UGT2B7: variants seen among roughly 807,000 people sequenced by gnomAD.
UGT2B7 encodes the protein UDP glucuronosyltransferase family 2 member B7.
UGT2B7 carries 51 observed loss-of-function variants against 51.9 expected under a neutral mutation model. The ratio of observed to expected loss-of-function variants is 0.98; its 90% CI spans 0.78 to 1.24. UGT2B7 has a LOEUF of 1.24. Ranked by LOEUF, UGT2B7 falls within the 50% of genes most tolerant of loss-of-function variation. The pLI, the probability that UGT2B7 is intolerant of heterozygous loss-of-function variation, is 0.00. For missense variants in UGT2B7, 727 were observed against 628.4 expected, an observed-to-expected ratio of 1.16 and a Z score of -1.68; for synonymous variants, 225 against 211.6, an observed-to-expected ratio of 1.06 and a Z score of -0.55.
rs1560499783 is a variant in UGT2B7 at position 69,064,104 on chromosome 4, A to AAGAGAG, written c.-159+12505_-159+12506insGAGAGA. On this transcript the variant is annotated intron_variant, in intron 1 of 5. Coordinates refer to the UGT2B7 transcript ENST00000502942. ...AGAAAGAAAGAAAGAAAGAGAAAGA[A>AAGAGAG]AGAAAGAAAAAGAAAGAAAGAAAGA... 8.8e-4 allele frequency among the ~76,000 whole-genome samples: 97 copies of AAGAGAG among 110,618 alleles called. 3 individuals carry two copies. Among genetic ancestry groups the AAGAGAG allele is most frequent in the Admixed American group, 1.4e-3 (16 of 11,278 alleles). The allele number at this position is 110,618 out of a possible 152,430, so 72.6% of individuals were successfully genotyped here.
chr4:69,059,848 C>T (rs1718303983), intron 1 of UGT2B7, among the ~76,000 whole-genome samples: 1 of 152,208 alleles, frequency 6.6e-6, no homozygotes, highest in African/African-American at 2.4e-5. Context: ...ACCATCCACC[C>T]AGTGGTGCCA....
intron 3 of UGT2B7, among the ~76,000 whole-genome samples, chr4:69,106,875 T>C (rs1577926753): frequency 6.6e-6 from 1 of 151,756 alleles, no homozygotes; most frequent in East Asian, 1.9e-4. Flanking sequence ...TTTTTTCATA[T>C]GATGGTTGGC....
rs147538491 is a variant in UGT2B7, at chr4:69,096,690, C to A, written c.170C>A (p.Ala57Glu). Residue 57 changes from alanine (A) to glutamate (E), a missense_variant, in exon 1 of 6, where the codon GCA becomes GAA. By Grantham distance (107) the Ala-to-Glu change is moderately radical (BLOSUM62 -1). Transcript: ENST00000305231. ...AGAGGTCATGAGGTGACTGTACTGG[C>A]ATCTTCAGCTTCCATTCTTTTTGAT... ...IQRGHEVTVL[A>E]SSASILFDPN... 1.2e-6 allele frequency: 2 copies of A among 1,614,022 alleles called. No homozygotes were observed. Among genetic ancestry groups the A allele is most frequent in the East Asian group, 4.5e-5 (2 of 44,862 alleles).
chr4:69,083,495 A>G (rs1299208472), intron 1 of UGT2B7, among the ~76,000 whole-genome samples: 2 of 152,022 alleles, frequency 1.3e-5, no homozygotes, highest in Admixed American at 6.6e-5. Context: ...CTTGATTCCA[A>G]TCCTCATGGA....
At chr4:69,053,371 A>G (rs1481867738) in intron 1 of UGT2B7, among the ~76,000 whole-genome samples, 1 of 152,244 alleles carries the variant, frequency 6.6e-6, no homozygotes, top group African/African-American at 2.4e-5. Flanking sequence ...ACTTAAAAAA[A>G]ACTTTGGCAA....
At chr4:69,064,036 G>GACAA (rs1374188504) in intron 1 of UGT2B7, among the ~76,000 whole-genome samples, 2 of 79,728 alleles carry the variant, frequency 2.5e-5, no homozygotes, top group Admixed American at 2.5e-4. Flanking sequence ...AAGAAAGAAA[G>GACAA]AAAGAAAGAA....
chr4:69,097,152 TA>T lies in UGT2B7; in HGVS notation c.638del (p.Asn213IlefsTer2), dbSNP rs1369776133. ...GATCAAATGACTTTCATGGAGAGGG[TA>T]AAAAATATGATCTATGTGCTTTACT... is the stretch of plus-strand genomic sequence containing the variant. ...LTDQMTFMER[V>X]KNMIYVLYFD... On this transcript the variant is annotated frameshift_variant, in exon 1 of 6. Coordinates refer to ENST00000305231, the MANE Select transcript of UGT2B7 (RefSeq NM_001074.4). LOFTEE classifies it high-confidence loss of function. 6.2e-7 allele frequency: 1 copy of T among 1,613,242 alleles called. No individual in the cohort carries two copies. The highest frequency in any genetic ancestry group is 1.3e-5 in the African/African-American group (1 of 74,866).
At chr4:69,066,119 T>G (rs1159004566) in intron 1 of UGT2B7, among the ~76,000 whole-genome samples, 2 of 152,216 alleles carry the variant, frequency 1.3e-5, no homozygotes, top group African/African-American at 2.4e-5. Flanking sequence ...TTTTTAGAAT[T>G]CTAACAGATA....
At chr4:69,069,022 A>T (rs1047267243) in intron 1 of UGT2B7, among the ~76,000 whole-genome samples, 2 of 151,848 alleles carry the variant, frequency 1.3e-5, no homozygotes, top group African/African-American at 4.8e-5. Context: ...TCATTACATT[A>T]CTACTCACAA....
intron 5 of UGT2B7, among the ~76,000 whole-genome samples, chr4:69,108,659 A>T (rs1299222976): frequency 6.6e-6 from 1 of 152,076 alleles, no homozygotes; most frequent in Non-Finnish European, 1.5e-5. Context: ...AAATATTTTA[A>T]TTAGATATCT....
At chr4:69,083,139 TA>T (rs2109874855) in intron 1 of UGT2B7, among the ~76,000 whole-genome samples, 1 of 152,172 alleles carries the variant, frequency 6.6e-6, no homozygotes, top group African/African-American at 2.4e-5. Flanking sequence ...CCTCAGAAAA[TA>T]AAATTTATTT....
intron 1 of UGT2B7, among the ~76,000 whole-genome samples, chr4:69,064,674 T>C (rs1218919849): frequency 6.6e-6 from 1 of 152,186 alleles, no homozygotes; most frequent in African/African-American, 2.4e-5. Context: ...TGTATGAAAG[T>C]CAAGTGCTGT....
chr4:69,087,046 C>T (rs944638726), intron 1 of UGT2B7, among the ~76,000 whole-genome samples: 7 of 151,338 alleles, frequency 4.6e-5, no homozygotes, highest in South Asian at 2.1e-4. Flanking sequence ...CTTTCTCTCT[C>T]GCTCTGTCTC....
chr4:69,071,694 TAA>T (rs1718605126), intron 1 of UGT2B7, among the ~76,000 whole-genome samples: 1 of 152,086 alleles, frequency 6.6e-6, no homozygotes, highest in Admixed American at 6.6e-5. Flanking sequence ...TGAATTATTA[TAA>T]TGTCTAGAAA....
chr4:69,110,886 G>T (rs914192611), intron 5 of UGT2B7, among the ~76,000 whole-genome samples: 3 of 152,040 alleles, frequency 2.0e-5, no homozygotes, highest in Non-Finnish European at 2.9e-5. Context: ...TTTATCTTTT[G>T]TATTTAATAT....
At chr4:69,061,274 C>G (rs1048140209) in intron 1 of UGT2B7, among the ~76,000 whole-genome samples, 1 of 152,170 alleles carries the variant, frequency 6.6e-6, no homozygotes, top group Non-Finnish European at 1.5e-5. Flanking sequence ...CTCTTAACTC[C>G]TGGAGGTAAA....
intron 1 of UGT2B7, among the ~76,000 whole-genome samples, chr4:69,064,221 G>C (rs956478045): frequency 6.6e-6 from 1 of 152,290 alleles, no homozygotes; most frequent in African/African-American, 2.4e-5. Flanking sequence ...CCCAGACCCA[G>C]GGAAAGTCCT....
chr4:69,112,925 T>C lies in UGT2B7; in HGVS notation c.*189T>C. ...CAGAGATTTACCACCCAGTTCATGG[T>C]TAGAAATATTTTGTGGCAATGAAGA... On this transcript the variant is annotated 3_prime_UTR_variant, in exon 6 of 6. Coordinates refer to ENST00000305231, the MANE Select transcript of UGT2B7 (RefSeq NM_001074.4). The C allele has an allele frequency of 2.4e-6, 2 of 830,876 alleles. No individual in the cohort carries two copies. The highest frequency in any genetic ancestry group is 4.6e-5 in the South Asian group (2 of 43,786). The allele number at this position is 830,876 out of a possible 1,614,324, so 51.5% of individuals were successfully genotyped here. A position where few individuals can be genotyped will look rare whatever the true frequency, so the allele number is the denominator to read the frequency against.
At chr4:69,096,029 T>C (rs938769551), upstream of UGT2B7, among the ~76,000 whole-genome samples, 1 of 152,208 alleles carries the variant, frequency 6.6e-6, no homozygotes, top group African/African-American at 2.4e-5. Context: ...CTGATTGTTA[T>C]GGTAGATGCA....
Sources: gnomAD v4.1 joint callset for allele counts (sites outside exome capture counted in the v4.1 genomes callset) on GRCh38, gnomAD v4.1.1 for gene constraint, MANE v1.5 for transcripts, NCBI Gene and HGNC (gene_info 2026-07-23, HGNC 2026-07-21) for gene names.